SNUPN: variants seen among roughly 807,000 people sequenced by gnomAD.
The protein encoded by SNUPN is snurportin-1.
SNUPN carries 31 observed loss-of-function variants against 39.2 expected under a neutral mutation model. That is an observed-to-expected ratio of 0.79 (90% CI 0.59 to 1.07). SNUPN has a LOEUF of 1.07. Among genes scored for constraint, SNUPN ranks in the 50% least tolerant of loss-of-function variants. The pLI is 0.00. For synonymous variants in SNUPN, 132 were observed against 159.0 expected, an observed-to-expected ratio of 0.83 and a Z score of 1.28; for missense variants, 382 against 434.2, an observed-to-expected ratio of 0.88 and a Z score of 1.07.
At chr15:75,618,339 C>T (rs1442084577) in intron 2 of SNUPN, among the ~76,000 whole-genome samples, 7 of 151,696 alleles carry the variant, frequency 4.6e-5, no homozygotes, top group African/African-American at 1.2e-4. Flanking sequence ...TTTTTTTTTA[C>T]GGACCGTAGG....
chr15:75,618,076 C>T (rs935792036), intron 2 of SNUPN, among the ~76,000 whole-genome samples: 105 of 152,276 alleles, frequency 6.9e-4, no homozygotes, highest in Non-Finnish European at 3.2e-4. Context: ...ACTCAGCCTT[C>T]CTCAGAGTTT....
intron 8 of SNUPN, among the ~76,000 whole-genome samples, chr15:75,599,932 G>A (rs1441055339): frequency 3.3e-5 from 5 of 150,674 alleles, no homozygotes; most frequent in Admixed American, 6.7e-5. Context: ...TGCAACCTCC[G>A]CCTCCCGGGT....
At chr15:75,617,293 T>C in intron 3 of SNUPN, 115 bp downstream of exon 3, 6 of 1,107,142 alleles carry the variant, frequency 5.4e-6, no homozygotes, top group Non-Finnish European at 7.9e-6. Context: ...GCAGTTCCTA[T>C]TCCTTTTTCC....
At position 75,622,047 on chromosome 15, in the gene SNUPN, AAAC is replaced by A. The variant is rs1189974903; in HGVS notation, c.-5-994_-5-992del. Among the ~76,000 whole-genome samples the A allele has an allele frequency of 7.7e-3, 1,153 of 149,946 alleles. 16 individuals are homozygous for A. Among genetic ancestry groups the A allele is most frequent in the African/African-American group, 0.026 (1,053 of 40,728 alleles). On this transcript the variant is annotated intron_variant, in intron 1 of 8. Coordinates refer to ENST00000308588, the MANE Select transcript of SNUPN (RefSeq NM_005701.4). ...CAAGACTTCATCTCAAAAAACAAAC[AAAC>A]AAACAAACAAAAAAACAAACTCTAG...
chr15:75,613,642 C>A (rs377648652), intron 3 of SNUPN, among the ~76,000 whole-genome samples: 675 of 128,260 alleles, frequency 5.3e-3, no homozygotes, highest in Non-Finnish European at 6.1e-3. Context: ...GACTCCAACT[C>A]AAAAAAAAAA....
chr15:75,616,875 T>C (rs1423369160), intron 3 of SNUPN, among the ~76,000 whole-genome samples: 3 of 152,360 alleles, frequency 2.0e-5, no homozygotes, highest in Non-Finnish European at 4.4e-5. Context: ...CTTGGCCAGC[T>C]GGCTGGTCTG....
At position 75,623,487 on chromosome 15, in the gene SNUPN, C is replaced by T. The variant is rs1472502749; in HGVS notation, c.-6+2179G>A. On this transcript the variant is annotated intron_variant, in intron 1 of 8. Transcript: ENST00000308588. ...TGAGACAGGGTCTCACTTTGTCTCC[C>T]AGGCTGGACTACAGTGGTGTGATCT... Among the ~76,000 whole-genome samples the T allele has an allele frequency of 3.3e-5, 5 of 150,924 alleles. No individual in the cohort carries two copies. The East Asian group carries it at 9.7e-4, about 29-fold the overall frequency.
chr15:75,610,922 C>T (rs1892761822), intron 3 of SNUPN, among the ~76,000 whole-genome samples: 1 of 152,140 alleles, frequency 6.6e-6, no homozygotes, highest in Non-Finnish European at 1.5e-5. Context: ...GTAGTCCCAG[C>T]ACTTTGGGAG....
At chr15:75,604,094 TA>T (rs2141363223) in intron 7 of SNUPN, among the ~76,000 whole-genome samples, 1 of 151,676 alleles carries the variant, frequency 6.6e-6, no homozygotes, top group South Asian at 2.1e-4. Flanking sequence ...TACATGATAA[TA>T]ACATCACTGA....
At chr15:75,620,240 G>T (rs147478901) in intron 2 of SNUPN, among the ~76,000 whole-genome samples, 38 of 152,230 alleles carry the variant, frequency 2.5e-4, no homozygotes, top group African/African-American at 9.1e-4. Context: ...TGGAAACTAT[G>T]CAGCTGTTAG....
rs548418265 is a variant in SNUPN at position 75,613,133 on chromosome 15, C to T, written c.304-3139G>A. Reference sequence around the variant, plus strand: ...AATTAGCCGGGCGCGGTGGCGGGCACCTGTAGTCCCAGCTGTTCGGGAGGC... The same window carrying T: ...AATTAGCCGGGCGCGGTGGCGGGCATCTGTAGTCCCAGCTGTTCGGGAGGC... On this transcript the variant is annotated intron_variant, in intron 3 of 8. Transcript: ENST00000308588. Among the ~76,000 whole-genome samples, 266 of 151,928 alleles carry T rather than the reference C, an allele frequency of 1.8e-3. 2 individuals are homozygous for T. Among genetic ancestry groups the T allele is most frequent in the Middle Eastern group, 0.01 (3 of 294 alleles).
chr15:75,602,702 C>CCAAGT (rs2075298649), intron 7 of SNUPN, among the ~76,000 whole-genome samples: 1 of 150,942 alleles, frequency 6.6e-6, no homozygotes, highest in African/African-American at 2.4e-5. Flanking sequence ...ACCTCTTGGG[C>CCAAGT]TCAAGTGATC....
chr15:75,613,213 C>T (rs1243422977), intron 3 of SNUPN, among the ~76,000 whole-genome samples: 2 of 133,904 alleles, frequency 1.5e-5, no homozygotes, highest in South Asian at 2.4e-4. Context: ...GAGCCAAGAT[C>T]GCGTCACTGC....
intron 6 of SNUPN, among the ~76,000 whole-genome samples, chr15:75,606,258 T>C (rs2075330455): frequency 6.6e-6 from 1 of 152,194 alleles, no homozygotes; most frequent in Non-Finnish European, 1.5e-5. Context: ...TGTTATTGTT[T>C]GAATGAGATG....
In SNUPN at chr15:75,603,661, A is replaced by AT. The variant is rs377057704; in HGVS notation, c.678+1488_678+1489insA. On this transcript the variant is annotated intron_variant, in intron 7 of 8. Coordinates refer to ENST00000308588, the MANE Select transcript of SNUPN (RefSeq NM_005701.4). The stretch of plus-strand genomic sequence containing the variant: ...GGGTGACGGAGCGAGACTCTGTCTC[A>AT]AAAAAAAAAAAAAAAAAAAAGCTCT... Among the ~76,000 whole-genome samples, 550 of 123,612 alleles carry AT rather than the reference A, an allele frequency of 4.4e-3. 6 individuals carry two copies. Among genetic ancestry groups the AT allele is most frequent in the Non-Finnish European group, 6.8e-3 (401 of 58,604 alleles). 81.1% of individuals were successfully genotyped at this position (123,612 alleles called of 152,430 possible).
At chr15:75,605,648 T>C (rs1437880923) in intron 6 of SNUPN, among the ~76,000 whole-genome samples, 1 of 152,220 alleles carries the variant, frequency 6.6e-6, no homozygotes, top group Non-Finnish European at 1.5e-5. Flanking sequence ...TTTAAAAAGA[T>C]ACATACAGTC....
intron 1 of SNUPN, among the ~76,000 whole-genome samples, chr15:75,622,937 C>T (rs945124651): frequency 6.6e-6 from 1 of 151,962 alleles, no homozygotes; most frequent in Non-Finnish European, 1.5e-5. Flanking sequence ...CCCAGGAGTT[C>T]GAAGCCAGCC....
intron 6 of SNUPN, 41 bp downstream of exon 6, chr15:75,607,175 G>A (rs747623700): frequency 7.0e-7 from 1 of 1,421,544 alleles, no homozygotes; most frequent in South Asian, 1.1e-5. Context: ...AGGAGGAGAG[G>A]AGAAGACAGG....
At chr15:75,611,301 G>A (rs1208015890) in intron 3 of SNUPN, among the ~76,000 whole-genome samples, 1 of 150,200 alleles carries the variant, frequency 6.7e-6, no homozygotes, top group East Asian at 2.1e-4. Context: ...CGCCCAGGCT[G>A]GAGTGCAGTG....
Sources: gnomAD v4.1 joint callset for allele counts (sites outside exome capture counted in the v4.1 genomes callset) on GRCh38, gnomAD v4.1.1 for gene constraint, MANE v1.5 for transcripts, NCBI Gene and HGNC (gene_info 2026-07-23, HGNC 2026-07-21) for gene names.